The following PRPF3 variants were observed in gnomAD, a reference collection of about 807,000 sequenced individuals.
PRPF3 encodes pre-mRNA processing factor 3.
Under a neutral mutation model 89.2 loss-of-function variants are expected in PRPF3, and 3 were observed. The observed-to-expected ratio is 0.03, with a 90% CI of 0.02 to 0.09. PRPF3 has a LOEUF of 0.09. Among genes scored for constraint, PRPF3 ranks in the 10% least tolerant of loss-of-function variants. PRPF3 has a pLI of 1.00. For synonymous variants in PRPF3, 270 were observed against 289.1 expected, an observed-to-expected ratio of 0.93 and a Z score of 0.67; for missense variants, 463 against 828.8, an observed-to-expected ratio of 0.56 and a Z score of 5.42.
intron 2 of PRPF3, 62 bp downstream of exon 2, chr1:150,325,149 C>A: frequency 6.3e-7 from 1 of 1,579,044 alleles, no homozygotes; most frequent in Non-Finnish European, 8.6e-7. Context: ...CTGCTTTGAA[C>A]TTCCTCAAAA....
At chr1:150,334,786 C>A in intron 6 of PRPF3, 149 bp from the exon 7 acceptor site, 1 of 943,874 alleles carries the variant, frequency 1.1e-6, no homozygotes, top group Non-Finnish European at 1.6e-6. Context: ...CCAGACTGGT[C>A]TTTAACTCCT....
At chr1:150,347,245 G>GATAT (rs35619920) in intron 14 of PRPF3, among the ~76,000 whole-genome samples, 126 of 149,576 alleles carry the variant, frequency 8.4e-4, no homozygotes, top group Middle Eastern at 3.5e-3. Context: ...TCTTTTGTCT[G>GATAT]ATATATATAT....
chr1:150,339,805 C>T (rs1344589148), intron 8 of PRPF3, among the ~76,000 whole-genome samples: 2 of 146,652 alleles, frequency 1.4e-5, no homozygotes, highest in Admixed American at 1.4e-4. Flanking sequence ...CTCGCTGCAA[C>T]CTCTGTCTCC....
intron 14 of PRPF3, among the ~76,000 whole-genome samples, chr1:150,348,460 A>ATTTTTTTTTTTTTTTTTT (rs1185909509): frequency 0.034 from 1,654 of 48,364 alleles, 528 homozygotes; most frequent in African/African-American, 0.039. Flanking sequence ...CTACACGTGC[A>ATTTTTTTTTTTTTTTTTT]TTTTTTTTTT....
In PRPF3 at chr1:150,346,430, T is replaced by C; in HGVS notation, c.1782T>C (p.Phe594=). 5.6e-6 allele frequency: 9 copies of C among 1,614,090 alleles called. No homozygotes were observed. The highest frequency in any genetic ancestry group is 1.1e-5 in the South Asian group (1 of 91,084). ...VEGGPKAQKK[F]KRLMLHRIKW... The stretch of plus-strand genomic sequence containing the variant: ...CAGGCCCCAAGGCCCAGAAGAAATT[T>C]AAGCGTCTTATGCTGCATCGGATAA... The change falls in exon 14 of 16, where the codon TTT becomes TTC. Residue 594 remains phenylalanine (F), a synonymous_variant. Transcript: ENST00000324862.
Position 150,344,149 on chromosome 1 carries a change from C to G in PRPF3, c.1427-13C>G. ...GACTTCAAAGACTGATTGTTGTCCTCTCTTCACTGCAGTGAGAATTTCTAA... is the reference window on the plus strand; with the variant it reads ...GACTTCAAAGACTGATTGTTGTCCTGTCTTCACTGCAGTGAGAATTTCTAA... On this transcript the variant is annotated splice_polypyrimidine_tract_variant and intron_variant, in intron 10 of 15. Transcript: ENST00000324862. The G allele has an allele frequency of 6.2e-7, 1 of 1,609,536 alleles. No homozygotes were observed. The highest frequency in any genetic ancestry group is 8.5e-7 in the Non-Finnish European group (1 of 1,176,744).
intron 3 of PRPF3, among the ~76,000 whole-genome samples, chr1:150,326,549 A>AG (rs1490211650): frequency 6.6e-6 from 1 of 151,822 alleles, no homozygotes; most frequent in African/African-American, 2.4e-5. Context: ...TCTCTTTAGG[A>AG]GAAAAAAAAA....
At position 150,348,459 on chromosome 1, in the gene PRPF3, C is replaced by CTTTTTTTTTTTTTTTTTTTTTT. The variant is rs1553873583; in HGVS notation, c.1844-698_1844-697insTTTTTTTTTTTTTTTTTTTTTT. Among the ~76,000 whole-genome samples the CTTTTTTTTTTTTTTTTTTTTTT allele has an allele frequency of 9.8e-4, 34 of 34,830 alleles. 6 individuals carry two copies. The highest frequency in any genetic ancestry group is 3.2e-3 in the African/African-American group (34 of 10,616). 22.8% of individuals were successfully genotyped at this position (34,830 alleles called of 152,430 possible). On this transcript the variant is annotated intron_variant, in intron 14 of 15. Coordinates refer to ENST00000324862, the MANE Select transcript of PRPF3 (RefSeq NM_004698.4). ...TAAAAAATATTTTGTTCTACACGTG[C>CTTTTTTTTTTTTTTTTTTTTTT]ATTTTTTTTTTTTTTTTTTTGAGAT...
At chr1:150,322,270 T>C (rs1655133774) in intron 1 of PRPF3, among the ~76,000 whole-genome samples, 1 of 152,236 alleles carries the variant, frequency 6.6e-6, no homozygotes, top group South Asian at 2.1e-4. Context: ...CTGTTTTATG[T>C]ATCCACCGCA....
chr1:150,342,318 T>C (rs1657833524), intron 9 of PRPF3, among the ~76,000 whole-genome samples: 1 of 151,780 alleles, frequency 6.6e-6, no homozygotes, highest in Non-Finnish European at 1.5e-5. Flanking sequence ...AGGCAGAGCT[T>C]GCAGTGAGCT....
rs782412669 is a variant in PRPF3, at chr1:150,324,996, A to C, written c.54A>C (p.Thr18=). The C allele has an allele frequency of 6.2e-7, 1 of 1,613,912 alleles. No individual in the cohort carries two copies. Among genetic ancestry groups the C allele is most frequent in the Non-Finnish European group, 8.5e-7 (1 of 1,179,954 alleles). The change falls in exon 2 of 16, where the codon ACA becomes ACC. Residue 18 remains threonine, a synonymous_variant. Transcript: ENST00000324862. The stretch of plus-strand genomic sequence containing the variant: ...AGCTGAAACCATGGATAGAGAAGAC[A>C]GTGAAGAGGGTCCTGGGTTTCTCAG... ...LDELKPWIEK[T]VKRVLGFSEP...
intron 7 of PRPF3, 61 bp downstream of exon 7, chr1:150,335,302 T>C (rs1656844462): frequency 4.5e-6 from 7 of 1,539,478 alleles, no homozygotes; most frequent in Non-Finnish European, 6.3e-6. Flanking sequence ...CAAGAAAACA[T>C]TGTTAAATCT....
intron 13 of PRPF3, 116 bp downstream of exon 13, chr1:150,346,252 A>G: frequency 8.2e-7 from 1 of 1,222,282 alleles, no homozygotes. Flanking sequence ...CTGATATAAT[A>G]TGCTAGGTCT....
intron 12 of PRPF3, 52 bp downstream of exon 12, chr1:150,344,599 C>T: frequency 1.3e-6 from 2 of 1,583,572 alleles, no homozygotes; most frequent in Non-Finnish European, 8.6e-7. Context: ...AAAACATTTT[C>T]CAAGTGCTTG....
At chr1:150,349,367 T>A in intron 15 of PRPF3, 149 bp downstream of exon 15, 1 of 720,556 alleles carries the variant, frequency 1.4e-6, no homozygotes, top group Non-Finnish European at 2.4e-6. Context: ...TTTAAATGGT[T>A]GGCAGTAAAT....
At chr1:150,332,080 C>T (rs888812295) in intron 4 of PRPF3, among the ~76,000 whole-genome samples, 4 of 151,818 alleles carry the variant, frequency 2.6e-5, no homozygotes, top group African/African-American at 7.3e-5. Flanking sequence ...AAAAATTAGC[C>T]GGGCGTGGTG....
chr1:150,337,040 C>CTTTTTTTTTTTT (rs35026026), intron 7 of PRPF3, among the ~76,000 whole-genome samples: 1 of 121,260 alleles, frequency 8.2e-6, no homozygotes, highest in Non-Finnish European at 1.6e-5. Context: ...CATAAAATTC[C>CTTTTTTTTTTTT]TTTTTTTTTT....
chr1:150,351,603 C>G (rs1046929377), intron 15 of PRPF3, among the ~76,000 whole-genome samples: 4 of 151,056 alleles, frequency 2.6e-5, no homozygotes, highest in Non-Finnish European at 4.4e-5. Context: ...TAGGGACAAG[C>G]AATCCTCCAG....
chr1:150,349,543 G>T (rs782078968), intron 15 of PRPF3, among the ~76,000 whole-genome samples: 1 of 152,106 alleles, frequency 6.6e-6, no homozygotes, highest in Admixed American at 6.6e-5. Flanking sequence ...ATTGTTGTTG[G>T]ATTTACCTTT....
Sources: gnomAD v4.1 joint callset for allele counts (sites outside exome capture counted in the v4.1 genomes callset) on GRCh38, gnomAD v4.1.1 for gene constraint, MANE v1.5 for transcripts, NCBI Gene and HGNC (gene_info 2026-07-23, HGNC 2026-07-21) for gene names.